The following NBAS variants were observed in gnomAD, a reference collection of about 807,000 sequenced individuals.
NBAS encodes the protein NAG/BC035112 fusion.
NBAS carries 219 observed loss-of-function variants against 302.5 expected under a neutral mutation model. That is an observed-to-expected ratio of 0.72 (90% CI 0.65 to 0.81). The LOEUF is 0.81. Ranked by LOEUF, NBAS falls within the 30% of genes least tolerant of loss-of-function variation. The pLI, the probability that NBAS is intolerant of heterozygous loss-of-function variation, is 0.00. For synonymous variants in NBAS, 1,118 were observed against 1,021.6 expected, an observed-to-expected ratio of 1.09 and a Z score of -1.80; for missense variants, 2,932 against 2,841.6, an observed-to-expected ratio of 1.03 and a Z score of -0.72.
intron 41 of NBAS, 26 bp from the exon 42 acceptor site, chr2:15,287,209 G>A (rs374022548): frequency 1.9e-6 from 3 of 1,576,650 alleles, no homozygotes; most frequent in African/African-American, 1.4e-5. Flanking sequence ...TCAAGCCCAG[G>A]AAGGGAGAGA....
chr2:15,149,711 C>T, the NBAS span, among the ~76,000 whole-genome samples: 1 of 152,132 alleles, frequency 6.6e-6, no homozygotes, highest in South Asian at 2.1e-4. Context: ...ATCCTCCTAC[C>T]TCAGCCTCCT....
chr2:15,147,460 G>A, the NBAS span, among the ~76,000 whole-genome samples: 2 of 152,032 alleles, frequency 1.3e-5, no homozygotes, highest in African/African-American at 4.8e-5. Flanking sequence ...TGGTGTGCTG[G>A]CGCATGCCTG....
intron 39 of NBAS, among the ~76,000 whole-genome samples, chr2:15,308,872 G>C (rs1435828296): frequency 6.6e-6 from 1 of 152,144 alleles, no homozygotes; most frequent in African/African-American, 2.4e-5. Context: ...AGCATGAAGG[G>C]TTGTTGAATT....
the NBAS span, among the ~76,000 whole-genome samples, chr2:14,943,613 T>TTTA: frequency 4.6e-5 from 7 of 152,212 alleles, no homozygotes; most frequent in Admixed American, 4.6e-4. Context: ...ACCACTTTAT[T>TTTA]ATTAATTAAT....
chr2:15,295,305 GAA>G (rs1670496421), intron 40 of NBAS, among the ~76,000 whole-genome samples: 1 of 152,180 alleles, frequency 6.6e-6, no homozygotes, highest in Non-Finnish European at 1.5e-5. Context: ...GTAATCTGCA[GAA>G]AGTTTTGAGT....
At chr2:15,374,996 G>A (rs765587712) in intron 30 of NBAS, among the ~76,000 whole-genome samples, 17 of 152,112 alleles carry the variant, frequency 1.1e-4, no homozygotes, top group Non-Finnish European at 2.1e-4. Context: ...ATCATGGTAG[G>A]AAGCATCATA....
chr2:15,154,922 G>A, the NBAS span, among the ~76,000 whole-genome samples: 3 of 152,194 alleles, frequency 2.0e-5, no homozygotes, highest in Non-Finnish European at 4.4e-5. Context: ...AGAGGCTGGT[G>A]GAAGCCGGTG....
the NBAS span, among the ~76,000 whole-genome samples, chr2:15,107,012 A>T: frequency 1.9e-4 from 29 of 152,206 alleles, no homozygotes; most frequent in South Asian, 5.8e-3. Context: ...CTGTTCCGCA[A>T]TAAAACCAAA....
chr2:14,993,415 T>C, the NBAS span, among the ~76,000 whole-genome samples: 3 of 152,232 alleles, frequency 2.0e-5, no homozygotes, highest in Non-Finnish European at 2.9e-5. Flanking sequence ...GTCTTATTCT[T>C]CTGCTCTCCC....
rs376317075 is a variant in NBAS, at chr2:15,264,495, C to A, written c.5724+10989G>T. 4.6e-5 allele frequency among the ~76,000 whole-genome samples: 7 copies of A among 152,256 alleles called. No homozygotes were observed. In the East Asian group the frequency reaches 7.7e-4, roughly 17 times the overall value. Reference sequence around the variant, plus strand: ...ATCTCTCCTACTAAATGATTACCTTCGCCAATGTGAAATAATTTTCCAAGC... The same window carrying A: ...ATCTCTCCTACTAAATGATTACCTTAGCCAATGTGAAATAATTTTCCAAGC... On this transcript the variant is annotated intron_variant, in intron 44 of 51. Coordinates refer to ENST00000281513, the MANE Select transcript of NBAS (RefSeq NM_015909.4).
At chr2:15,410,278 A>G (rs999102343) in intron 25 of NBAS, among the ~76,000 whole-genome samples, 6 of 152,188 alleles carry the variant, frequency 3.9e-5, no homozygotes, top group Non-Finnish European at 8.8e-5. Flanking sequence ...AAAGTTTGTG[A>G]ATTCTATCAT....
At chr2:15,009,760 G>A in the NBAS span, among the ~76,000 whole-genome samples, 3 of 148,808 alleles carry the variant, frequency 2.0e-5, no homozygotes, top group Admixed American at 6.8e-5. Context: ...TGTGTACACA[G>A]AGAAAGAGAT....
At chr2:15,500,502 TCACACACACACA>T (rs72095633) in intron 11 of NBAS, among the ~76,000 whole-genome samples, 19 of 136,234 alleles carry the variant, frequency 1.4e-4, no homozygotes, top group East Asian at 4.5e-4. Context: ...TTTAGAAGTC[TCACACACACACA>T]CACACACACA....
intron 11 of NBAS, among the ~76,000 whole-genome samples, chr2:15,491,750 A>G (rs942811645): frequency 6.6e-6 from 1 of 152,126 alleles, no homozygotes. Flanking sequence ...AAGAAAAAAA[A>G]AAAAGAAAAA....
At chr2:15,425,305 G>C (rs2148480049) in intron 22 of NBAS, among the ~76,000 whole-genome samples, 1 of 152,292 alleles carries the variant, frequency 6.6e-6, no homozygotes, top group South Asian at 2.1e-4. Context: ...ATGAGCTTTG[G>C]AGTCAGAATA....
the NBAS span, among the ~76,000 whole-genome samples, chr2:15,029,297 G>T: frequency 6.6e-6 from 1 of 152,182 alleles, no homozygotes; most frequent in Non-Finnish European, 1.5e-5. Context: ...TCTAATCAAA[G>T]CACCTTCTCT....
At chr2:15,286,023 C>A (rs182077264) in intron 42 of NBAS, among the ~76,000 whole-genome samples, 1 of 152,162 alleles carries the variant, frequency 6.6e-6, no homozygotes, top group African/African-American at 2.4e-5. Flanking sequence ...TCCTGTCTCA[C>A]GGAGTGATGC....
chr2:15,202,831 C>A (rs1307024274), intron 48 of NBAS, among the ~76,000 whole-genome samples: 2 of 152,176 alleles, frequency 1.3e-5, no homozygotes, highest in East Asian at 3.9e-4. Flanking sequence ...AGCCACTGCA[C>A]CCGGCCATGT....
At chr2:15,002,670 G>A in the NBAS span, among the ~76,000 whole-genome samples, 1 of 152,240 alleles carries the variant, frequency 6.6e-6, no homozygotes, top group Admixed American at 6.5e-5. Context: ...CAGGTCCCGA[G>A]CCCTGCCCGG....
Sources: allele counts gnomAD v4.1 joint callset (sites outside exome capture counted in the v4.1 genomes callset), GRCh38; gene constraint gnomAD v4.1.1; transcripts MANE v1.5; gene names NCBI Gene and HGNC (gene_info 2026-07-23, HGNC 2026-07-21).